The following TTC39C variants were observed in gnomAD, a reference collection of about 807,000 sequenced individuals.
TTC39C encodes tetratricopeptide repeat domain 39C.
Under a neutral mutation model 76.3 loss-of-function variants are expected in TTC39C, and 33 were observed. The ratio of observed to expected loss-of-function variants is 0.43; its 90% CI spans 0.33 to 0.58. The LOEUF (loss-of-function observed/expected upper bound fraction) is 0.58. Among genes scored for constraint, TTC39C ranks in the 20% least tolerant of loss-of-function variants. The probability of loss-of-function intolerance (pLI) is 0.04; values close to 1 mark genes in which losing one functional copy is unlikely to be tolerated. For missense variants in TTC39C, 595 were observed against 701.4 expected (o/e 0.85, Z 1.71); for synonymous variants, 254 against 260.6 (o/e 0.97, Z 0.24).
intron 1 of TTC39C, among the ~76,000 whole-genome samples, chr18:24,049,861 G>T (rs1165827158): frequency 6.6e-6 from 1 of 152,212 alleles, no homozygotes; most frequent in African/African-American, 2.4e-5. Flanking sequence ...GTTATCTGAA[G>T]ACAAACTTAA....
In TTC39C at chr18:24,128,912, G is replaced by C; in HGVS notation, c.1447G>C (p.Val483Leu). 1 of 1,613,538 alleles carries C rather than the reference G, an allele frequency of 6.2e-7. No homozygotes were observed. Among genetic ancestry groups the C allele is most frequent in the Non-Finnish European group, 8.5e-7 (1 of 1,179,784 alleles). The change falls in exon 11 of 14, where the codon GTT (valine) becomes CTT (leucine). Residue 483 changes from valine (V) to leucine (L), a missense_variant. Transcript: ENST00000317571. ...TTGCCATGAAGTGGATGACTCATCT[G>C]TTGTTGGATTAAAGTATTTGCTTCT... ...QACHEVDDSS[V>L]VGLKYLLLGA... is the part of the protein sequence containing the mutation.
At chr18:24,028,484 C>G (rs2083624248) in intron 1 of TTC39C, among the ~76,000 whole-genome samples, 1 of 152,142 alleles carries the variant, frequency 6.6e-6, no homozygotes, top group Admixed American at 6.5e-5. Context: ...GAAATTTATA[C>G]TTAAGGAAGC....
chr18:24,132,495 C>G lies in TTC39C; in HGVS notation c.1673C>G (p.Ser558Cys). The change falls in exon 14 of 14, where the codon TCT becomes TGT. Residue 558 changes from serine (S) to cysteine (C), a missense_variant. Coordinates refer to ENST00000317571, the MANE Select transcript of TTC39C (RefSeq NM_001135993.2). The stretch of plus-strand genomic sequence containing the variant: ...TCTTTGATCTTACAGGAGGATTTCT[C>G]TGGCTACGACTTTGAAAACAGATTG... ...ALLLQAKEDF[S>C]GYDFENRLHV... 2 of 1,613,966 alleles carry G rather than the reference C, an allele frequency of 1.2e-6. No individual in the cohort carries two copies. The highest frequency in any genetic ancestry group is 1.1e-5 in the South Asian group (1 of 91,020).
intron 10 of TTC39C, among the ~76,000 whole-genome samples, chr18:24,126,395 A>C: frequency 6.9e-6 from 1 of 145,102 alleles, no homozygotes; most frequent in African/African-American, 2.5e-5. Flanking sequence ...TTATCATCAG[A>C]TTTCCTGCAA....
chr18:24,066,111 G>A lies in TTC39C; in HGVS notation c.316G>A (p.Glu106Lys), dbSNP rs2084163808. ...TGAAAGTGAAGAGGCTGGAGTAATT[G>A]AAACAATCAAGAATAAAATTAAGAA... is the stretch of plus-strand genomic sequence containing the variant. ...LCESEEAGVI[E>K]TIKNKIKKNV... is the part of the protein sequence containing the mutation. The change falls in exon 3 of 14, where the codon GAA becomes AAA. Residue 106 changes from glutamate (E) to lysine (K), a missense_variant. Physicochemically the swap from Glu to Lys is moderately conservative, Grantham distance 56. Coordinates refer to ENST00000317571, the MANE Select transcript of TTC39C (RefSeq NM_001135993.2). The A allele has an allele frequency of 1.3e-6, 2 of 1,599,136 alleles. No homozygotes were observed. The highest frequency in any genetic ancestry group is 2.3e-5 in the East Asian group (1 of 44,316).
intron 1 of TTC39C, among the ~76,000 whole-genome samples, chr18:24,033,587 A>T (rs1478280094): frequency 1.3e-5 from 2 of 152,248 alleles, no homozygotes; most frequent in African/African-American, 2.4e-5. Context: ...ATGCACAGAC[A>T]GCCCTGGCCT....
chr18:24,101,641 G>T (rs1221061659), intron 6 of TTC39C, among the ~76,000 whole-genome samples: 3 of 151,936 alleles, frequency 2.0e-5, no homozygotes, highest in Admixed American at 6.5e-5. Flanking sequence ...CAAACATTCA[G>T]TGTCACTTTG....
intron 1 of TTC39C, chr18:24,022,884 A>T (rs893849037): frequency 8.1e-6 from 8 of 985,192 alleles, no homozygotes; most frequent in African/African-American, 1.7e-5. Flanking sequence ...TCAGATTTTT[A>T]GCAAAAGGTT....
chr18:24,095,174 C>G (rs1279399074), intron 6 of TTC39C, among the ~76,000 whole-genome samples: 3 of 152,202 alleles, frequency 2.0e-5, no homozygotes, highest in Non-Finnish European at 2.9e-5. Flanking sequence ...ACCTCATGAA[C>G]CAACCTCTGC....
intron 1 of TTC39C, among the ~76,000 whole-genome samples, chr18:24,048,052 A>G (rs1471939822): frequency 2.0e-5 from 3 of 152,230 alleles, no homozygotes; most frequent in East Asian, 1.9e-4. Flanking sequence ...AGCTTTCTCA[A>G]ATATAATCAC....
chr18:24,045,927 ATTTTT>A lies in TTC39C; in HGVS notation c.168-18188_168-18184del, dbSNP rs1156578816. Among the ~76,000 whole-genome samples the A allele has an allele frequency of 2.7e-4, 7 of 25,666 alleles. No homozygotes were observed. In the South Asian group the frequency reaches 9.2e-3, roughly 34 times the overall value. 16.8% of individuals were successfully genotyped at this position (25,666 alleles called of 152,430 possible). Reference sequence around the variant, plus strand: ...TATATATATATATATATATATATATATTTTTTTTTTTTTTTTTTTTTTTTTTTTTG... The same window carrying A: ...TATATATATATATATATATATATATATTTTTTTTTTTTTTTTTTTTTTTTG... On this transcript the variant is annotated intron_variant, in intron 1 of 13. Transcript: ENST00000317571.
chr18:24,028,228 G>C (rs765582616), intron 1 of TTC39C, among the ~76,000 whole-genome samples: 3 of 152,196 alleles, frequency 2.0e-5, no homozygotes, highest in African/African-American at 4.8e-5. Context: ...TAGCCAAAGT[G>C]TCAGGACCTG....
chr18:24,101,081 G>A (rs2084667627), intron 6 of TTC39C, among the ~76,000 whole-genome samples: 1 of 152,092 alleles, frequency 6.6e-6, no homozygotes, highest in African/African-American at 2.4e-5. Flanking sequence ...GAAGCGTTCG[G>A]TAGAACATAC....
chr18:24,072,423 G>A (rs1195610690), intron 4 of TTC39C, among the ~76,000 whole-genome samples: 2 of 152,010 alleles, frequency 1.3e-5, no homozygotes, highest in Non-Finnish European at 2.9e-5. Flanking sequence ...AGCCTCCCAA[G>A]TAGCTAGGAT....
chr18:24,008,979 T>C (rs575427445), intron 1 of TTC39C, among the ~76,000 whole-genome samples: 1 of 152,252 alleles, frequency 6.6e-6, no homozygotes, highest in South Asian at 2.1e-4. Context: ...TGTTCTCACT[T>C]ATAAGTGAGA....
rs151171824 is a variant in TTC39C at position 24,066,074 on chromosome 18, A to G, written c.279A>G (p.Thr93=). The part of the protein sequence containing the change: ...MQLACDDLKT[T]EKLCESEEAG... The stretch of plus-strand genomic sequence containing the variant: ...TGGCATGTGATGACTTAAAAACCAC[A>G]GAAAAACTGTGTGAAAGTGAAGAGG... The change falls in exon 3 of 14, where the codon ACA becomes ACG. Residue 93 remains threonine (T), a synonymous_variant. Coordinates refer to ENST00000317571, the MANE Select transcript of TTC39C (RefSeq NM_001135993.2). 244 of 1,599,708 alleles carry G rather than the reference A, an allele frequency of 1.5e-4. No individual in the cohort carries two copies. The African/African-American group carries it at 3.0e-3, about 20-fold the overall frequency.
chr18:24,091,885 C>T (rs1183697843), intron 6 of TTC39C, among the ~76,000 whole-genome samples: 2 of 151,628 alleles, frequency 1.3e-5, no homozygotes, highest in African/African-American at 4.8e-5. Flanking sequence ...GTCAGGAGAT[C>T]GAGACCATCC....
At chr18:24,067,288 G>A (rs1440907619) in intron 3 of TTC39C, among the ~76,000 whole-genome samples, 1 of 152,140 alleles carries the variant, frequency 6.6e-6, no homozygotes, top group Non-Finnish European at 1.5e-5. Context: ...AATACCTCTT[G>A]AATTCATCAA....
At chr18:24,102,508 C>T (rs564421953) in intron 6 of TTC39C, among the ~76,000 whole-genome samples, 3 of 152,274 alleles carry the variant, frequency 2.0e-5, no homozygotes, top group Admixed American at 1.3e-4. Context: ...AAAAAGAAAG[C>T]GCCAAGTGAA....
Sources: allele counts gnomAD v4.1 joint callset (sites outside exome capture counted in the v4.1 genomes callset), GRCh38; gene constraint gnomAD v4.1.1; transcripts MANE v1.5; gene names NCBI Gene and HGNC (gene_info 2026-07-23, HGNC 2026-07-21).